The following TTC39A variants were observed in gnomAD, a reference collection of about 807,000 sequenced individuals.
TTC39A encodes tetratricopeptide repeat domain 39A, also known as tetratricopeptide repeat protein 39A.
A neutral mutation model predicts 82.3 loss-of-function variants in TTC39A; 46 were observed. The observed-to-expected ratio is 0.56, with a 90% confidence interval of 0.44 to 0.71. TTC39A has a LOEUF of 0.71. Ranked by LOEUF, TTC39A falls within the 30% of genes least tolerant of loss-of-function variation. The pLI is 0.00. For missense variants in TTC39A, 543 were observed against 712.9 expected (o/e 0.76, Z 2.71); for synonymous variants, 254 against 275.2 (o/e 0.92, Z 0.76).
chr1:51,318,923 A>C (rs1222308229), intron 2 of TTC39A, among the ~76,000 whole-genome samples: 1 of 152,186 alleles, frequency 6.6e-6, no homozygotes, highest in Non-Finnish European at 1.5e-5. Context: ...GACTAGACAG[A>C]CAGCCAGGGA....
At chr1:51,324,749 C>T (rs1645649240) in intron 1 of TTC39A, among the ~76,000 whole-genome samples, 2 of 151,828 alleles carry the variant, frequency 1.3e-5, no homozygotes, top group Admixed American at 6.6e-5. Flanking sequence ...GTATCAAACT[C>T]CTCAGGTGTT....
At chr1:51,327,972 T>C (rs761141738) in intron 1 of TTC39A, among the ~76,000 whole-genome samples, 1 of 152,296 alleles carries the variant, frequency 6.6e-6, no homozygotes, top group South Asian at 2.1e-4. Flanking sequence ...GCTGGGATTA[T>C]AGGCGTGAGC....
At chr1:51,303,594 T>C (rs892053332) in intron 8 of TTC39A, among the ~76,000 whole-genome samples, 1 of 152,144 alleles carries the variant, frequency 6.6e-6, no homozygotes, top group African/African-American at 2.4e-5. Context: ...GAAGGCTTCC[T>C]GGGGGAGAAG....
chr1:51,309,156 C>T (rs1644984361), intron 6 of TTC39A, 105 bp downstream of exon 6: 1 of 1,401,846 alleles, frequency 7.1e-7, no homozygotes, highest in Non-Finnish European at 9.6e-7. Flanking sequence ...TAGGTTCTGG[C>T]CTCGGTTAGT....
chr1:51,331,008 G>C (rs1645898072), upstream of TTC39A: 1 of 706,252 alleles, frequency 1.4e-6, no homozygotes, highest in Non-Finnish European at 2.5e-6. Flanking sequence ...GTGACTGCAG[G>C]AGACCAGAAG....
intron 8 of TTC39A, 114 bp from the exon 9 acceptor site, chr1:51,303,306 TG>T: frequency 2.3e-6 from 2 of 879,870 alleles, no homozygotes; most frequent in Non-Finnish European, 1.8e-6. Flanking sequence ...ACTGGAACCC[TG>T]GGGGCCAGGT....
intron 14 of TTC39A, among the ~76,000 whole-genome samples, chr1:51,292,044 A>C (rs1644245622): frequency 6.6e-6 from 1 of 152,112 alleles, no homozygotes. Flanking sequence ...AAATAAAAAT[A>C]GTAGCTGAGC....
intron 14 of TTC39A, among the ~76,000 whole-genome samples, chr1:51,291,256 C>T (rs1048256239): frequency 6.7e-6 from 1 of 150,340 alleles, no homozygotes; most frequent in Non-Finnish European, 1.5e-5. Flanking sequence ...TTTGGGAGGC[C>T]GAGATGAGTG....
rs116436521 is a variant in TTC39A at position 51,295,934 on chromosome 1, G to T, written c.1145+145C>A. On this transcript the variant is annotated intron_variant, in intron 13 of 17. Transcript: ENST00000680483. ...GGTGATGGGAGGGGAGGACACGCAG[G>T]GGGGGCAGTCCGCGGGTGGGGGCAG... The T allele has an allele frequency of 3.5e-3, 2,805 of 793,808 alleles. 8 individuals carry two copies. Among genetic ancestry groups the T allele is most frequent in the Non-Finnish European group, 4.2e-3 (2,000 of 475,846 alleles). The allele number at this position is 793,808 out of a possible 1,614,324, so 49.2% of individuals were successfully genotyped here.
rs1225251673 is a variant in TTC39A, at chr1:51,306,125, G to A, written c.489-49C>T. 5 of 1,431,556 alleles carry A rather than the reference G, an allele frequency of 3.5e-6. No individual in the cohort carries two copies. In the African/African-American group the frequency reaches 4.2e-5, roughly 12 times the overall value. The allele number at this position is 1,431,556 out of a possible 1,614,324, so 88.7% of individuals were successfully genotyped here. On this transcript the variant is annotated intron_variant, in intron 6 of 17. Transcript: ENST00000680483. ...TTTCAGCCACTGCTGGGGGTGGGGG[G>A]TAGGGGCTGGGACCCCTTCCAGCTG...
chr1:51,306,127 A>C, intron 6 of TTC39A, 51 bp from the exon 7 acceptor site: 48 of 900,378 alleles, frequency 5.3e-5, no homozygotes, highest in Non-Finnish European at 8.2e-5. Context: ...GGTGGGGGGT[A>C]GGGGCTGGGA....
chr1:51,289,027 AC>A, intron 16 of TTC39A, 72 bp from the exon 17 acceptor site: 1 of 1,411,806 alleles, frequency 7.1e-7, no homozygotes, highest in South Asian at 1.3e-5. Context: ...GGATTTCCTA[AC>A]CCGAACTCCA....
rs138509677 is a variant in TTC39A at position 51,288,947 on chromosome 1, T to C, written c.1502A>G (p.Lys501Arg). 2.8e-3 allele frequency: 4,454 copies of C among 1,599,844 alleles called. 13 individuals carry two copies. The highest frequency in any genetic ancestry group is 3.1e-3 in the Non-Finnish European group (3,669 of 1,172,884). Residue 501 changes from lysine to arginine, a missense_variant, in exon 17 of 18, where the codon AAG becomes AGG. By Grantham distance (26) the Lys-to-Arg change is conservative. Transcript: ENST00000680483. This position sits in a 1 kb window ranked among gnomAD's most constrained non-coding sequence, Gnocchi z 4.8. ...GATCAAGTAGTGGTCATATTTAATCTTCTTTTCACTGCAGAACAGAGGACA... is the reference window on the plus strand; with the variant it reads ...GATCAAGTAGTGGTCATATTTAATCCTCTTTTCACTGCAGAACAGAGGACA... ...NFRSISANEK[K>R]IKYDHYLIPN...
At chr1:51,290,385 G>A (rs947529860) in intron 15 of TTC39A, 129 bp downstream of exon 15, 2 of 863,120 alleles carry the variant, frequency 2.3e-6, no homozygotes, top group African/African-American at 3.4e-5. Context: ...GCTTGGAGGA[G>A]CTCAGTCTAG....
chr1:51,303,180 G>T lies in TTC39A; in HGVS notation c.667C>A (p.Leu223Met). Residue 223 changes from leucine (L) to methionine (M), a missense_variant, in exon 9 of 18, where the codon CTG (leucine) becomes ATG (methionine). Physicochemically the swap from Leu to Met is conservative, Grantham distance 15. Coordinates refer to ENST00000680483, the MANE Select transcript of TTC39A (RefSeq NM_001297663.2). ...GFSGNKDYGL[L>M]QLEEGASGHS... ...CCTGACGCTCCCTCCTCCAGCTGCA[G>T]CAGCCCATAGTCCTGAGGGGATGGG... 1 of 933,948 alleles carries T rather than the reference G, an allele frequency of 1.1e-6. No individual in the cohort carries two copies. Among genetic ancestry groups the T allele is most frequent in the South Asian group, 1.4e-5 (1 of 73,610 alleles). 57.9% of individuals were successfully genotyped at this position (933,948 alleles called of 1,614,324 possible). A position where few individuals can be genotyped will look rare whatever the true frequency, so the allele number is the denominator to read the frequency against.
chr1:51,313,931 G>A (rs529625907), intron 2 of TTC39A, among the ~76,000 whole-genome samples: 1 of 152,318 alleles, frequency 6.6e-6, no homozygotes, highest in African/African-American at 2.4e-5. Context: ...CAGACCACTG[G>A]GAATCCAGGC....
At chr1:51,290,186 C>T in intron 15 of TTC39A, 67 bp from the exon 16 acceptor site, 1 of 1,460,192 alleles carries the variant, frequency 6.8e-7, no homozygotes, top group Non-Finnish European at 9.4e-7. Context: ...TTATGGAGCC[C>T]CCTACTTTGT....
chr1:51,288,237 G>A lies in TTC39A; in HGVS notation c.1654C>T (p.Arg552Ter), dbSNP rs762606651. The A allele has an allele frequency of 3.1e-6, 5 of 1,614,016 alleles. No individual in the cohort carries two copies. In the South Asian group the frequency reaches 3.3e-5, roughly 11 times the overall value. ...NYSMESRTHF[R>*]IQAATLQAKS... ...GCTTGGAGTGTGGCTGCCTGGATTC[G>A]AAAGTGTGTCCTTGACTCCATGGAG... Residue 552 changes from arginine to a stop codon, truncating the protein, a stop_gained, in exon 18 of 18, where the codon CGA becomes TGA. Transcript: ENST00000680483. LOFTEE classifies it high-confidence loss of function. This position sits in a 1 kb window ranked among gnomAD's most constrained non-coding sequence, Gnocchi z 4.8.
At position 51,288,253 on chromosome 1, in the gene TTC39A, C is replaced by T; in HGVS notation, c.1638G>A (p.Glu546=). The change falls in exon 18 of 18, where the codon GAG becomes GAA. Residue 546 remains glutamate, a synonymous_variant. Transcript: ENST00000680483. The surrounding 1 kb of genome is among the most constrained non-coding windows in gnomAD (Gnocchi z 4.8). The stretch of plus-strand genomic sequence containing the variant: ...CCTGGATTCGAAAGTGTGTCCTTGA[C>T]TCCATGGAGTAATTCTTGTAGTTTT... ...AKQNYKNYSM[E]SRTHFRIQAA... The T allele has an allele frequency of 2.5e-6, 4 of 1,613,996 alleles. No homozygotes were observed. Among genetic ancestry groups the T allele is most frequent in the Non-Finnish European group, 3.4e-6 (4 of 1,179,868 alleles).
Sources: gnomAD v4.1 joint callset for allele counts (sites outside exome capture counted in the v4.1 genomes callset) on GRCh38, gnomAD v4.1.1 for gene constraint, Gnocchi (gnomAD v3.1) non-coding constraint, MANE v1.5 for transcripts, NCBI Gene and HGNC (gene_info 2026-07-23, HGNC 2026-07-21) for gene names.